The following DST variants were observed in gnomAD, a reference collection of about 807,000 sequenced individuals.
The protein encoded by DST is dystonin, also known as bullous pemphigoid antigen.
DST carries 253 observed loss-of-function variants against 875.2 expected under a neutral mutation model. That is an observed-to-expected ratio of 0.29 (90% CI 0.26 to 0.32). DST has a LOEUF of 0.32. DST is among the 10% of genes least tolerant of loss of function. The pLI is 1.00. For synonymous variants in DST, 3,124 were observed against 3,197.1 expected, an observed-to-expected ratio of 0.98 and a Z score of 0.77; for missense variants, 8,287 against 9,111.6, an observed-to-expected ratio of 0.91 and a Z score of 3.68.
chr6:56,500,781 G>C (rs1350838505), intron 80 of DST, among the ~76,000 whole-genome samples: 1 of 152,028 alleles, frequency 6.6e-6, no homozygotes, highest in Non-Finnish European at 1.5e-5. Context: ...GTATAATTAA[G>C]GATTTAAATC....
Position 56,897,186 on chromosome 6 carries a change from G to T in DST, c.417+3235C>A, listed in dbSNP as rs191821942. Among the ~76,000 whole-genome samples, 61 of 151,758 alleles carry T rather than the reference G, an allele frequency of 4.0e-4. 1 individual carries two copies. The East Asian group carries it at 0.011, about 27-fold the overall frequency. ...GGTTTCATTCTCCTACATGTGGCTA[G>T]CCCAAACTTTTCTATTTGTTGAGAA... is the stretch of plus-strand genomic sequence containing the variant. On this transcript the variant is annotated intron_variant, in intron 3 of 103. Transcript: ENST00000680361.
intron 34 of DST, among the ~76,000 whole-genome samples, chr6:56,625,667 T>A (rs952453108): frequency 6.6e-6 from 1 of 151,946 alleles, no homozygotes; most frequent in African/African-American, 2.4e-5. Flanking sequence ...AATAAATGAC[T>A]ATGTTACTGG....
In DST at chr6:56,603,440, G is replaced by A. The variant is rs9370543; in HGVS notation, c.10942-20C>T. ...AAATGTCTGCAAAGAAATATATCCCGGACCTATTTACTATTTAGTGAAAAA... is the reference window on the plus strand; with the variant it reads ...AAATGTCTGCAAAGAAATATATCCCAGACCTATTTACTATTTAGTGAAAAA... On this transcript the variant is annotated intron_variant, in intron 41 of 103. Coordinates refer to ENST00000680361, the MANE Select transcript of DST (RefSeq NM_001374736.1). 551,288 of 1,604,544 alleles carry A rather than the reference G, an allele frequency of 0.34. 96,325 individuals are homozygous for A. Among genetic ancestry groups the A allele is most frequent in the Admixed American group, 0.38 (22,848 of 59,374 alleles).
At chr6:56,639,189 C>A in intron 22 of DST, 70 bp downstream of exon 22, 1 of 1,317,832 alleles carries the variant, frequency 7.6e-7, no homozygotes, top group Non-Finnish European at 1.1e-6. Context: ...AACTTCTCAG[C>A]AATAAAAGAA....
At chr6:56,705,864 T>C (rs2099330789) in intron 5 of DST, among the ~76,000 whole-genome samples, 2 of 152,272 alleles carry the variant, frequency 1.3e-5, no homozygotes, top group South Asian at 2.1e-4. Flanking sequence ...TCTCCATCTT[T>C]ACAAATTGAC....
intron 4 of DST, among the ~76,000 whole-genome samples, chr6:56,795,865 T>C (rs1561877221): frequency 6.6e-6 from 1 of 152,206 alleles, no homozygotes; most frequent in African/African-American, 2.4e-5. Context: ...CCAATCTAGA[T>C]AGTACCAATT....
At chr6:56,770,913 T>C (rs1349886207) in intron 4 of DST, among the ~76,000 whole-genome samples, 6 of 150,282 alleles carry the variant, frequency 4.0e-5, no homozygotes, top group African/African-American at 9.8e-5. Context: ...GGCAGGAGAA[T>C]AGCTTGAACC....
chr6:56,774,113 CAAAA>C (rs59394529), intron 4 of DST, among the ~76,000 whole-genome samples: 3 of 76,166 alleles, frequency 3.9e-5, no homozygotes, highest in Non-Finnish European at 5.4e-5. Flanking sequence ...GATTCTGTCT[CAAAA>C]AAAAAAAAAA....
intron 10 of DST, among the ~76,000 whole-genome samples, chr6:56,658,234 A>G (rs1415920208): frequency 6.6e-6 from 1 of 152,228 alleles, no homozygotes; most frequent in Non-Finnish European, 1.5e-5. Flanking sequence ...AACAGTTTTT[A>G]CATATTTGAG....
chr6:56,654,285 AT>A, intron 10 of DST, among the ~76,000 whole-genome samples: 1 of 117,730 alleles, frequency 8.5e-6, no homozygotes, highest in African/African-American at 6.3e-5. Flanking sequence ...ACATGTTTAT[AT>A]CCCAGCTTTA....
chr6:56,753,612 C>T (rs1187945069), intron 4 of DST, among the ~76,000 whole-genome samples: 1 of 152,110 alleles, frequency 6.6e-6, no homozygotes, highest in Non-Finnish European at 1.5e-5. Flanking sequence ...GACTTAAATG[C>T]ATTGATCTCA....
At chr6:56,721,193 C>T (rs1344123432) in intron 5 of DST, among the ~76,000 whole-genome samples, 1 of 91,418 alleles carries the variant, frequency 1.1e-5, no homozygotes, top group Non-Finnish European at 2.2e-5. Context: ...CGGGGGTGCG[C>T]CCCCCACCTC....
At chr6:56,847,329 T>C (rs1412311731) in intron 4 of DST, among the ~76,000 whole-genome samples, 3 of 152,144 alleles carry the variant, frequency 2.0e-5, no homozygotes, top group African/African-American at 7.2e-5. Context: ...CATAAATAAA[T>C]TTTTAAATAA....
chr6:56,460,048 C>T (rs189837008), intron 103 of DST, 83 bp downstream of exon 103: 70 of 1,466,732 alleles, frequency 4.8e-5, no homozygotes, highest in East Asian at 3.0e-4. Context: ...GTAATTTCTT[C>T]CCCAATGAGG....
rs1814417474 is a variant in DST at position 56,938,424 on chromosome 6, T to C, written c.216+15361A>G. Among the ~76,000 whole-genome samples, 5 of 152,100 alleles carry C rather than the reference T, an allele frequency of 3.3e-5. No individual in the cohort carries two copies. In the South Asian group the frequency reaches 8.3e-4, roughly 25 times the overall value. On this transcript the variant is annotated intron_variant, in intron 2 of 103. Coordinates refer to ENST00000680361, the MANE Select transcript of DST (RefSeq NM_001374736.1). ...CAAGTATGAGCCACAGCACCCAGTC[T>C]GAAATTTTTGAAAAACTAAGTTGGG...
chr6:56,597,908 T>C lies in DST; in HGVS notation c.12027A>G (p.Thr4009=), dbSNP rs373646542. The C allele has an allele frequency of 1.5e-5, 25 of 1,613,862 alleles. No individual in the cohort carries two copies. The highest frequency in any genetic ancestry group is 1.1e-4 in the East Asian group (5 of 44,872). The part of the protein sequence containing the change: ...NVDKDSERAG[T]KHKQVIEQNG... ...TCTGTTCGATTACCTGTTTGTGTTT[T>C]GTCCCTGCCCTTTCTGAGTCTTTGT... Residue 4009 remains threonine (T), a synonymous_variant, in exon 47 of 104, where the codon ACA becomes ACG. Coordinates refer to ENST00000680361, the MANE Select transcript of DST (RefSeq NM_001374736.1).
At chr6:56,786,901 A>G (rs1240360225) in intron 4 of DST, among the ~76,000 whole-genome samples, 2 of 152,208 alleles carry the variant, frequency 1.3e-5, no homozygotes, top group Non-Finnish European at 2.9e-5. Flanking sequence ...GGGATAAAAA[A>G]ATCATCCATC....
chr6:56,691,492 T>C (rs1471926996), intron 9 of DST, among the ~76,000 whole-genome samples: 2 of 152,180 alleles, frequency 1.3e-5, no homozygotes, highest in African/African-American at 4.8e-5. Flanking sequence ...TACAATGACC[T>C]TGCCAAGAAT....
intron 2 of DST, among the ~76,000 whole-genome samples, chr6:56,905,359 T>G (rs903957933): frequency 6.6e-6 from 1 of 152,176 alleles, no homozygotes; most frequent in African/African-American, 2.4e-5. Flanking sequence ...TCTTTAGAAC[T>G]CATTCAGCTG....
Sources: gnomAD v4.1 joint callset for allele counts (sites outside exome capture counted in the v4.1 genomes callset) on GRCh38, gnomAD v4.1.1 for gene constraint, MANE v1.5 for transcripts, NCBI Gene and HGNC (gene_info 2026-07-23, HGNC 2026-07-21) for gene names.